DLG1: variants seen among roughly 807,000 people sequenced by gnomAD.
DLG1 encodes discs large MAGUK scaffold protein 1.
Under a neutral mutation model 123.4 loss-of-function variants are expected in DLG1, and 42 were observed. The observed-to-expected ratio is 0.34, with a 90% CI of 0.27 to 0.44. DLG1 has a LOEUF of 0.44. Among genes scored for constraint, DLG1 ranks in the 20% least tolerant of loss-of-function variants. The probability of loss-of-function intolerance (pLI) is 1.00; values close to 1 mark genes in which losing one functional copy is unlikely to be tolerated. For missense variants in DLG1, 942 were observed against 1,082.6 expected (o/e 0.87, Z 1.82); for synonymous variants, 317 against 356.2 (o/e 0.89, Z 1.24).
chr3:197,068,625 C>A (rs752457530), intron 19 of DLG1: 4 of 792,238 alleles, frequency 5.0e-6, no homozygotes, highest in Non-Finnish European at 8.4e-6. Context: ...GTACCCTCCC[C>A]TTCTCCCATG....
Position 197,090,906 on chromosome 3 carries a change from AT to A in DLG1, c.1661+5del. The A allele has an allele frequency of 6.4e-7, 1 of 1,552,216 alleles. No individual in the cohort carries two copies. The highest frequency in any genetic ancestry group is 8.8e-7 in the Non-Finnish European group (1 of 1,140,228). ...ATTTGCCATAATTAGAAGTAAAAAA[AT>A]TTACCTGACATAGAGGGATCGCTTC... On this transcript the variant is annotated splice_donor_5th_base_variant and intron_variant, in intron 15 of 24. Transcript: ENST00000667157.
At chr3:197,070,787 A>G in intron 18 of DLG1, 1 of 150,760 alleles carries the variant, frequency 6.6e-6, no homozygotes, top group African/African-American at 2.4e-5. Flanking sequence ...GGCCAGGCTG[A>G]TATTGAACCT....
At chr3:197,195,396 G>T (rs1721936353) in intron 4 of DLG1, among the ~76,000 whole-genome samples, 1 of 151,940 alleles carries the variant, frequency 6.6e-6, no homozygotes, top group Non-Finnish European at 1.5e-5. Flanking sequence ...TCAATCAATT[G>T]ATTGATCAGT....
At chr3:197,296,883 G>A in intron 2 of DLG1, 2 of 398,838 alleles carry the variant, frequency 5.0e-6, no homozygotes, top group Non-Finnish European at 9.0e-6. Context: ...GTTGCTTACA[G>A]AATAGTGCTT....
At chr3:197,246,181 C>G (rs756378059) in intron 4 of DLG1, among the ~76,000 whole-genome samples, 5 of 152,196 alleles carry the variant, frequency 3.3e-5, no homozygotes, top group African/African-American at 1.2e-4. Flanking sequence ...TCCCCATCGA[C>G]CACTGAATAC....
At chr3:197,223,096 TCC>T (rs1737991817) in intron 4 of DLG1, among the ~76,000 whole-genome samples, 1 of 152,164 alleles carries the variant, frequency 6.6e-6, no homozygotes, top group Admixed American at 6.5e-5. Flanking sequence ...TCTGTTCACA[TCC>T]ACCCCTAAAG....
chr3:197,194,635 T>C, intron 4 of DLG1, 46 bp from the exon 5 acceptor site: 1 of 1,413,838 alleles, frequency 7.1e-7, no homozygotes, highest in Non-Finnish European at 9.6e-7. Flanking sequence ...GCAACATGAG[T>C]TTAATTCAAA....
intron 4 of DLG1, among the ~76,000 whole-genome samples, chr3:197,195,142 T>C (rs1279946303): frequency 1.3e-5 from 2 of 151,964 alleles, no homozygotes; most frequent in East Asian, 1.9e-4. Context: ...AGAAGGCCTA[T>C]GGCATAAATA....
chr3:197,256,795 G>C (rs1437590425), intron 4 of DLG1, among the ~76,000 whole-genome samples: 1 of 152,122 alleles, frequency 6.6e-6, no homozygotes, highest in African/African-American at 2.4e-5. Context: ...ATAAAATGAG[G>C]AGCTAAGACT....
At chr3:197,104,881 T>C (rs775732038) in intron 14 of DLG1, 22 bp downstream of exon 14, 15 of 1,509,448 alleles carry the variant, frequency 9.9e-6, no homozygotes, top group Non-Finnish European at 1.3e-5. Flanking sequence ...GCAATAACTA[T>C]AGACAATAAG....
chr3:197,213,817 A>G (rs189340427), intron 4 of DLG1, among the ~76,000 whole-genome samples: 210 of 152,330 alleles, frequency 1.4e-3, no homozygotes, highest in African/African-American at 4.8e-3. Flanking sequence ...TGCAATCAAA[A>G]TATCAATACA....
At chr3:197,149,884 C>T (rs1322774390) in intron 5 of DLG1, 88 bp from the exon 6 acceptor site, 10 of 777,566 alleles carry the variant, frequency 1.3e-5, no homozygotes, top group South Asian at 4.7e-5. Flanking sequence ...GAAAGACTTG[C>T]TATTTCTTAA....
At chr3:197,047,141 G>A (rs765825521) in intron 24 of DLG1, among the ~76,000 whole-genome samples, 5 of 152,036 alleles carry the variant, frequency 3.3e-5, no homozygotes, top group Non-Finnish European at 7.4e-5. Flanking sequence ...ATACTAATAA[G>A]ATCTATAGTT....
chr3:197,144,766 C>T (rs1438888385), intron 6 of DLG1, among the ~76,000 whole-genome samples: 7 of 151,942 alleles, frequency 4.6e-5, no homozygotes, highest in African/African-American at 9.7e-5. Context: ...TATTTTGTTC[C>T]CTCTTCTTTC....
intron 12 of DLG1, among the ~76,000 whole-genome samples, chr3:197,117,283 T>G (rs998784784): frequency 4.6e-5 from 7 of 152,184 alleles, no homozygotes; most frequent in African/African-American, 1.7e-4. Flanking sequence ...TGGTGGTTCC[T>G]CAGAAAGCTA....
intron 5 of DLG1, among the ~76,000 whole-genome samples, chr3:197,182,591 TAA>T (rs1304460109): frequency 6.6e-6 from 1 of 152,202 alleles, no homozygotes; most frequent in Non-Finnish European, 1.5e-5. Context: ...TTATTTTCTT[TAA>T]AAGACAGCTT....
At chr3:197,187,826 G>A (rs529536190) in intron 5 of DLG1, among the ~76,000 whole-genome samples, 2 of 152,200 alleles carry the variant, frequency 1.3e-5, no homozygotes, top group Non-Finnish European at 2.9e-5. Context: ...TACCCACTGT[G>A]TCCTTCTCTT....
At chr3:197,154,567 C>T (rs1317280565) in intron 5 of DLG1, among the ~76,000 whole-genome samples, 2 of 150,668 alleles carry the variant, frequency 1.3e-5, no homozygotes, top group East Asian at 2.0e-4. Context: ...CCCAGCTACT[C>T]GGGAGGCTGA....
At chr3:197,102,199 T>G (rs1426207515) in intron 14 of DLG1, among the ~76,000 whole-genome samples, 1 of 152,204 alleles carries the variant, frequency 6.6e-6, no homozygotes, top group Non-Finnish European at 1.5e-5. Flanking sequence ...TTTTTTCTCA[T>G]AATCAGAATC....
Sources: allele counts gnomAD v4.1 joint callset (sites outside exome capture counted in the v4.1 genomes callset), GRCh38; gene constraint gnomAD v4.1.1; transcripts MANE v1.5; gene names NCBI Gene and HGNC (gene_info 2026-07-23, HGNC 2026-07-21).